COG5: variants seen among roughly 807,000 people sequenced by gnomAD.
COG5 encodes conserved oligomeric Golgi complex subunit 5.
In COG5, 86 loss-of-function variants were observed where a neutral mutation model predicts 110.4. That is an observed-to-expected ratio of 0.78 (90% CI 0.65 to 0.93). COG5 has a LOEUF of 0.93. COG5 is among the 40% of genes least tolerant of loss of function. The pLI is 0.00. For missense variants in COG5, 1,077 were observed against 987.0 expected, an observed-to-expected ratio of 1.09 and a Z score of -1.22; for synonymous variants, 360 against 334.6, an observed-to-expected ratio of 1.08 and a Z score of -0.83.
At chr7:107,498,796 T>C (rs576476710) in intron 6 of COG5, among the ~76,000 whole-genome samples, 54 of 152,272 alleles carry the variant, frequency 3.5e-4, no homozygotes, top group African/African-American at 1.1e-3. Flanking sequence ...ACTTCTGGGT[T>C]TTTATCCAAA....
intron 6 of COG5, among the ~76,000 whole-genome samples, chr7:107,434,759 A>G (rs1407896152): frequency 1.3e-5 from 2 of 152,128 alleles, no homozygotes; most frequent in African/African-American, 4.8e-5. Context: ...TCACTAGGTC[A>G]GGAGATCAAG....
intron 19 of COG5, among the ~76,000 whole-genome samples, chr7:107,212,820 G>C (rs1367497957): frequency 6.6e-6 from 1 of 152,168 alleles, no homozygotes; most frequent in Admixed American, 6.5e-5. Flanking sequence ...AGAAGAGTAA[G>C]AGGCATGGTT....
At chr7:107,214,501 A>G (rs532567931) in intron 19 of COG5, among the ~76,000 whole-genome samples, 1 of 152,360 alleles carries the variant, frequency 6.6e-6, no homozygotes, top group South Asian at 2.1e-4. Flanking sequence ...TGCTAATTTA[A>G]TAAAATATAT....
At chr7:107,319,641 A>G (rs1297814108) in intron 11 of COG5, among the ~76,000 whole-genome samples, 2 of 152,246 alleles carry the variant, frequency 1.3e-5, no homozygotes, top group Admixed American at 1.3e-4. Flanking sequence ...ATGGGAGAAC[A>G]TCTAAAGTAG....
rs756754095 is a variant in COG5, at chr7:107,563,779, C to T, written c.94+24G>A. 5.0e-6 allele frequency: 8 copies of T among 1,613,610 alleles called. No homozygotes were observed. The Admixed American group carries it at 1.2e-4, about 24-fold the overall frequency. ...GCAGCGCAGACCCCCAACCCCACGACCTGGTCAGACCCCGTCTCCTTACCG... is the reference window on the plus strand; with the variant it reads ...GCAGCGCAGACCCCCAACCCCACGATCTGGTCAGACCCCGTCTCCTTACCG... On this transcript the variant is annotated intron_variant, in intron 1 of 21. Transcript: ENST00000297135.
intron 7 of COG5, among the ~76,000 whole-genome samples, chr7:107,407,894 G>A (rs1791977286): frequency 6.6e-6 from 1 of 152,090 alleles, no homozygotes; most frequent in African/African-American, 2.4e-5. Context: ...ATGGCAAAAA[G>A]CAAATGGGGT....
At chr7:107,476,170 T>C (rs1796968159) in intron 6 of COG5, among the ~76,000 whole-genome samples, 2 of 74,502 alleles carry the variant, frequency 2.7e-5, no homozygotes, top group African/African-American at 6.1e-5. Context: ...TGGATTAATA[T>C]AGTGCAATGA....
chr7:107,264,019 C>T (rs1204509421), intron 14 of COG5, among the ~76,000 whole-genome samples: 4 of 151,628 alleles, frequency 2.6e-5, no homozygotes, highest in African/African-American at 7.3e-5. Context: ...TTGATGGCTC[C>T]GAAAAATGTC....
At position 107,354,833 on chromosome 7, in the gene COG5, A is replaced by G. The variant is rs114756080; in HGVS notation, c.1026+7200T>C. On this transcript the variant is annotated intron_variant, in intron 10 of 21. Coordinates refer to ENST00000297135, the MANE Select transcript of COG5 (RefSeq NM_006348.5). ...ATCCTCATCTGATATTTGAGATTACATGACCTACCCAAGGTTGCACAATCA... is the reference window on the plus strand; with the variant it reads ...ATCCTCATCTGATATTTGAGATTACGTGACCTACCCAAGGTTGCACAATCA... 4.4e-3 allele frequency among the ~76,000 whole-genome samples: 666 copies of G among 152,322 alleles called. 6 individuals carry two copies. Among genetic ancestry groups the G allele is most frequent in the African/African-American group, 0.016 (651 of 41,566 alleles).
At chr7:107,531,212 T>G (rs1337050471) in intron 5 of COG5, among the ~76,000 whole-genome samples, 1 of 152,222 alleles carries the variant, frequency 6.6e-6, no homozygotes, top group African/African-American at 2.4e-5. Flanking sequence ...CTGTATTCCC[T>G]TGATGCAGTT....
chr7:107,516,664 G>A (rs1799945430), intron 6 of COG5, among the ~76,000 whole-genome samples: 1 of 152,184 alleles, frequency 6.6e-6, no homozygotes, highest in African/African-American at 2.4e-5. Context: ...CCAGAGGAAG[G>A]AGCAGGCAGC....
intron 7 of COG5, among the ~76,000 whole-genome samples, chr7:107,396,748 G>A (rs1791046206): frequency 6.6e-6 from 1 of 151,920 alleles, no homozygotes; most frequent in Non-Finnish European, 1.5e-5. Context: ...TCATAGTTTG[G>A]CATTAAAGTT....
intron 6 of COG5, among the ~76,000 whole-genome samples, chr7:107,498,473 A>G (rs934389923): frequency 1.3e-5 from 2 of 152,202 alleles, no homozygotes; most frequent in African/African-American, 4.8e-5. Context: ...ACTTGAATAG[A>G]CATTTCTCCA....
At chr7:107,544,894 G>A (rs1224880054) in intron 5 of COG5, among the ~76,000 whole-genome samples, 1 of 152,008 alleles carries the variant, frequency 6.6e-6, no homozygotes. Context: ...ACAAAATCAG[G>A]AAAACAATAA....
intron 7 of COG5, among the ~76,000 whole-genome samples, chr7:107,385,311 A>C (rs1430373591): frequency 6.6e-6 from 1 of 152,192 alleles, no homozygotes; most frequent in Admixed American, 6.5e-5. Flanking sequence ...ACTGTGAGAA[A>C]ATACGTTTCT....
chr7:107,397,995 G>A (rs1463710721), intron 7 of COG5, among the ~76,000 whole-genome samples: 2 of 151,930 alleles, frequency 1.3e-5, no homozygotes, highest in African/African-American at 2.4e-5. Flanking sequence ...AAATAATTTT[G>A]CACTGTACAT....
At chr7:107,481,383 A>C (rs1323356183) in intron 6 of COG5, among the ~76,000 whole-genome samples, 1 of 152,140 alleles carries the variant, frequency 6.6e-6, no homozygotes, top group Non-Finnish European at 1.5e-5. Context: ...TTTAATATAA[A>C]ATTTTAAAAT....
At chr7:107,358,511 A>G (rs1406061571) in intron 10 of COG5, among the ~76,000 whole-genome samples, 1 of 152,188 alleles carries the variant, frequency 6.6e-6, no homozygotes, top group Non-Finnish European at 1.5e-5. Context: ...CGTGCACAAA[A>G]GAGTTAACAT....
chr7:107,286,438 C>T (rs970775406), intron 12 of COG5, among the ~76,000 whole-genome samples: 6 of 152,132 alleles, frequency 3.9e-5, no homozygotes, highest in African/African-American at 1.4e-4. Flanking sequence ...CATTAGCACC[C>T]TGATTTTTCC....
Sources: allele counts gnomAD v4.1 joint callset (sites outside exome capture counted in the v4.1 genomes callset), GRCh38; gene constraint gnomAD v4.1.1; transcripts MANE v1.5; gene names NCBI Gene and HGNC (gene_info 2026-07-23, HGNC 2026-07-21).